Variants in ALDH18A1 observed in about 807,000 individuals in gnomAD.
ALDH18A1 encodes the protein delta-1-pyrroline-5-carboxylate synthase.
ALDH18A1 carries 44 observed loss-of-function variants against 88.8 expected under a neutral mutation model. The observed-to-expected ratio is 0.50, with a 90% CI of 0.39 to 0.64. The LOEUF is 0.64. ALDH18A1 is among the 30% of genes least tolerant of loss of function. ALDH18A1 has a pLI of 0.00. For synonymous variants in ALDH18A1, 331 were observed against 372.1 expected (o/e 0.89, Z 1.27); for missense variants, 782 against 1,009.5 (o/e 0.77, Z 3.05).
chr10:95,607,368 C>G (rs1260040315), intron 17 of ALDH18A1, among the ~76,000 whole-genome samples: 1 of 152,062 alleles, frequency 6.6e-6, no homozygotes, highest in Non-Finnish European at 1.5e-5. Context: ...TTGTGGTATC[C>G]CCTAGAAGTC....
chr10:95,618,741 G>A (rs2097847778), intron 12 of ALDH18A1, among the ~76,000 whole-genome samples: 1 of 152,214 alleles, frequency 6.6e-6, no homozygotes, highest in South Asian at 2.1e-4. Context: ...AGTTATTCAT[G>A]AATGACAGCA....
intron 17 of ALDH18A1, among the ~76,000 whole-genome samples, chr10:95,608,381 T>A (rs2097826783): frequency 6.6e-6 from 1 of 152,116 alleles, no homozygotes; most frequent in South Asian, 2.1e-4. Flanking sequence ...AAATAAAGAG[T>A]ATCATGATTA....
chr10:95,650,905 G>T (rs373461088), intron 2 of ALDH18A1, among the ~76,000 whole-genome samples: 1 of 152,232 alleles, frequency 6.6e-6, no homozygotes, highest in African/African-American at 2.4e-5. Context: ...AGGCTGAGGT[G>T]GGGGGATCAC....
chr10:95,634,352 C>T (rs2139612994), intron 5 of ALDH18A1, among the ~76,000 whole-genome samples: 1 of 152,320 alleles, frequency 6.6e-6, no homozygotes, highest in South Asian at 2.1e-4. Flanking sequence ...GATCCTCCCA[C>T]CTCAGCCTCC....
At chr10:95,647,211 T>C (rs908986369) in intron 2 of ALDH18A1, among the ~76,000 whole-genome samples, 3 of 152,160 alleles carry the variant, frequency 2.0e-5, no homozygotes, top group Non-Finnish European at 2.9e-5. Context: ...TCAATAAAAA[T>C]ACTGAAGTGA....
chr10:95,628,011 G>A, intron 8 of ALDH18A1, among the ~76,000 whole-genome samples: 1 of 152,184 alleles, frequency 6.6e-6, no homozygotes, highest in Non-Finnish European at 1.5e-5. Flanking sequence ...TACCTTACGG[G>A]TATAACTTCT....
intron 2 of ALDH18A1, among the ~76,000 whole-genome samples, chr10:95,643,471 A>T (rs1022969866): frequency 5.9e-5 from 9 of 152,230 alleles, no homozygotes; most frequent in African/African-American, 2.2e-4. Flanking sequence ...TCTCTCTTGA[A>T]GACAGGTTGG....
At chr10:95,615,770 A>G (rs1024451287) in intron 13 of ALDH18A1, among the ~76,000 whole-genome samples, 2 of 152,074 alleles carry the variant, frequency 1.3e-5, no homozygotes, top group African/African-American at 4.8e-5. Context: ...TGAGCCAAAG[A>G]AAAAAAAGGA....
At chr10:95,653,175 G>A in intron 2 of ALDH18A1, 115 bp downstream of exon 2, 2 of 1,016,300 alleles carry the variant, frequency 2.0e-6, no homozygotes, top group South Asian at 1.3e-5. Flanking sequence ...GTGACAAAAT[G>A]AGACCCTGTC....
intron 17 of ALDH18A1, among the ~76,000 whole-genome samples, chr10:95,609,785 T>TTTTTTTTTTTTTTTG (rs1589474628): frequency 1.3e-5 from 2 of 149,306 alleles, no homozygotes; most frequent in African/African-American, 2.5e-5. Context: ...TTTTTTTTTT[T>TTTTTTTTTTTTTTTG]GAGATGGTGT....
At position 95,607,301 on chromosome 10, in the gene ALDH18A1, C is replaced by T. The variant is rs2097824561; in HGVS notation, c.2207-358G>A. 2.0e-5 allele frequency among the ~76,000 whole-genome samples: 3 copies of T among 152,158 alleles called. No homozygotes were observed. The South Asian group carries it at 6.2e-4, about 32-fold the overall frequency. On this transcript the variant is annotated intron_variant, in intron 17 of 17. Coordinates refer to ENST00000371224, the MANE Select transcript of ALDH18A1 (RefSeq NM_002860.4). ...GTTTTGAGGGGTACGACAATGTTTA[C>T]CATGATGGTTTCACCTCCTCAAATA...
At position 95,611,333 on chromosome 10, in the gene ALDH18A1, A is replaced by G; in HGVS notation, c.2033T>C (p.Val678Ala). ...GTCAATGGCATCCTGAACGTTGTCCACTACTTCAATGCATAATTCCAGGTC... is the reference window on the plus strand; with the variant it reads ...GTCAATGGCATCCTGAACGTTGTCCGCTACTTCAATGCATAATTCCAGGTC... ...YGDLELCIEV[V>A]DNVQDAIDHI... Residue 678 changes from valine (V) to alanine (A), a missense_variant, in exon 16 of 18, where the codon GTG becomes GCG. Physicochemically the swap from Val to Ala is moderately conservative, Grantham distance 64. This residue lies in a region of ALDH18A1 where 556 missense variants were observed against 654.5 expected (regional missense o/e 0.85). Transcript: ENST00000371224. The G allele has an allele frequency of 1.9e-6, 3 of 1,614,236 alleles. No homozygotes were observed. Among genetic ancestry groups the G allele is most frequent in the Non-Finnish European group, 2.5e-6 (3 of 1,180,042 alleles).
At chr10:95,623,369 C>T (rs2097855809) in intron 11 of ALDH18A1, among the ~76,000 whole-genome samples, 1 of 151,934 alleles carries the variant, frequency 6.6e-6, no homozygotes, top group Admixed American at 6.6e-5. Context: ...ATAAATCTTG[C>T]TCTAAGAATC....
chr10:95,611,626 C>A (rs1018904576), intron 15 of ALDH18A1, among the ~76,000 whole-genome samples, 184 bp from the exon 16 acceptor site: 18 of 152,160 alleles, frequency 1.2e-4, no homozygotes, highest in Admixed American at 2.6e-4. Context: ...CAGCAATGGG[C>A]CCTCAAGACA....
chr10:95,650,905 G>C (rs373461088), intron 2 of ALDH18A1, among the ~76,000 whole-genome samples: 1 of 152,114 alleles, frequency 6.6e-6, no homozygotes, highest in Non-Finnish European at 1.5e-5. Context: ...AGGCTGAGGT[G>C]GGGGGATCAC....
intron 11 of ALDH18A1, 39 bp downstream of exon 11, chr10:95,625,322 AC>A (rs2097858780): frequency 6.5e-7 from 1 of 1,541,114 alleles, no homozygotes. Context: ...AATAATGCAC[AC>A]CCCTCCACAA....
In ALDH18A1 at chr10:95,611,151, G is replaced by A. The variant is rs563988821; in HGVS notation, c.2110+105C>T. ...CAACCACTACTAAACATTACCATAA[G>A]CCTACTCAAATGATGTTTTTCTGCA... is the stretch of plus-strand genomic sequence containing the variant. On this transcript the variant is annotated intron_variant, in intron 16 of 17. Coordinates refer to ENST00000371224, the MANE Select transcript of ALDH18A1 (RefSeq NM_002860.4). The A allele has an allele frequency of 4.9e-5, 65 of 1,336,884 alleles. No individual in the cohort carries two copies. The South Asian group carries it at 7.0e-4, about 14-fold the overall frequency. 82.8% of individuals were successfully genotyped at this position (1,336,884 alleles called of 1,614,324 possible).
At position 95,610,420 on chromosome 10, in the gene ALDH18A1, C is replaced by T. The variant is rs569288667; in HGVS notation, c.2111-128G>A. ...ACTGGGGCCTCTCCATGTGTTCTCA[C>T]GTATTAAATACTCAGGCTTATGAAA... On this transcript the variant is annotated intron_variant, in intron 16 of 17. Transcript: ENST00000371224. 6.3e-5 allele frequency: 49 copies of T among 773,892 alleles called. 1 individual carries two copies. Among genetic ancestry groups the T allele is most frequent in the South Asian group, 5.3e-4 (36 of 68,540 alleles). 47.9% of individuals were successfully genotyped at this position (773,892 alleles called of 1,614,324 possible). A position where few individuals can be genotyped will look rare whatever the true frequency, so the allele number is the denominator to read the frequency against.
Position 95,637,436 on chromosome 10 carries a change from C to G in ALDH18A1, c.304G>C (p.Val102Leu). 1.2e-6 allele frequency: 2 copies of G among 1,614,094 alleles called. No individual in the cohort carries two copies. The highest frequency in any genetic ancestry group is 2.2e-5 in the South Asian group (2 of 91,080). The change falls in exon 4 of 18, where the codon GTA becomes CTA. Residue 102 changes from valine to leucine, a missense_variant and splice_region_variant. Physicochemically the swap from Val to Leu is conservative, Grantham distance 32. Transcript: ENST00000371224. ...CTGCCCTGATTCTGCAGCACTGATA[C>G]CTGGGCATTGAGAAAGGAAAGGGGA... ...LGRLASIVEQVSVLQNQGREM... is the reference protein window; with the variant it reads ...LGRLASIVEQLSVLQNQGREM...
Sources: allele counts gnomAD v4.1 joint callset (sites outside exome capture counted in the v4.1 genomes callset), GRCh38; gene constraint gnomAD v4.1.1; regional missense constraint gnomAD v4.1.1; transcripts MANE v1.5; gene names NCBI Gene and HGNC (gene_info 2026-07-23, HGNC 2026-07-21).